Variants in SH3TC2 observed in about 807,000 individuals in gnomAD.
SH3TC2 encodes the protein SH3 domain and tetratricopeptide repeats 2.
SH3TC2 carries 87 observed loss-of-function variants against 124.5 expected under a neutral mutation model. That is an observed-to-expected ratio of 0.70 (90% CI 0.59 to 0.84). The LOEUF is 0.84. Among genes scored for constraint, SH3TC2 ranks in the 40% least tolerant of loss-of-function variants. The pLI is 0.00. For missense variants in SH3TC2, 1,536 were observed against 1,566.4 expected (o/e 0.98, Z 0.33); for synonymous variants, 634 against 628.5 (o/e 1.01, Z -0.13).
rs1428288955 is a variant in SH3TC2 at position 149,028,702 on chromosome 5, G to C, written c.1152C>G (p.Ile384Met). The C allele has an allele frequency of 2.2e-5, 35 of 1,614,198 alleles. No homozygotes were observed. The highest frequency in any genetic ancestry group is 2.9e-5 in the Non-Finnish European group (34 of 1,180,038). Residue 384 changes from isoleucine (I) to methionine (M), a missense_variant, in exon 10 of 17, where the codon ATC becomes ATG. This residue lies in a region of SH3TC2 where 1,102 missense variants were observed against 1,098.6 expected (regional missense o/e 1.00). Transcript: ENST00000515425. ...SVYRLSGFES[I>M]QNPPNDLSAS... Reference sequence around the variant, plus strand: ...CACTCAGATCATTTGGAGGATTCTGGATGGATTCAAACCCACCTAAGTAGA... The same window carrying C: ...CACTCAGATCATTTGGAGGATTCTGCATGGATTCAAACCCACCTAAGTAGA...
In SH3TC2 at chr5:148,990,022, C is replaced by A. The variant is rs1580877467; in HGVS notation, c.*14689G>T. The stretch of plus-strand genomic sequence containing the variant: ...TTCTTTTCTAGGAGTCATTTCCAAG[C>A]AACCTCTCCTCTCACTCAAAATATA... On this transcript the variant is annotated 3_prime_UTR_variant, in exon 17 of 17. Transcript: ENST00000515425. Among the ~76,000 whole-genome samples the A allele has an allele frequency of 6.6e-6, 1 of 152,054 alleles. No individual in the cohort carries two copies. The highest frequency in any genetic ancestry group is 1.9e-4 in the East Asian group (1 of 5,176).
chr5:149,050,066 A>C (rs966481052), intron 2 of SH3TC2, among the ~76,000 whole-genome samples: 4 of 152,154 alleles, frequency 2.6e-5, no homozygotes, highest in African/African-American at 9.7e-5. Flanking sequence ...CTGACTGACA[A>C]ACAGGGCATT....
At chr5:149,012,539 A>G in intron 13 of SH3TC2, 45 bp downstream of exon 13, 3 of 1,613,108 alleles carry the variant, frequency 1.9e-6, no homozygotes, top group Non-Finnish European at 2.5e-6. Flanking sequence ...GCCTCCCCAA[A>G]TGATCCAAGT....
At chr5:149,012,768 G>T (rs761916589) in intron 12 of SH3TC2, 34 bp from the exon 13 acceptor site, 1 of 1,613,220 alleles carries the variant, frequency 6.2e-7, no homozygotes, top group Admixed American at 1.7e-5. Flanking sequence ...AGGTGTGAAG[G>T]CTCAAAGGGG....
At chr5:149,004,961 G>T in intron 16 of SH3TC2, 59 bp from the exon 17 acceptor site, 2 of 1,585,652 alleles carry the variant, frequency 1.3e-6, no homozygotes, top group South Asian at 1.1e-5. Flanking sequence ...TCCAGGACAG[G>T]CTAGGAGGCT....
chr5:148,995,610 T>C lies in SH3TC2; in HGVS notation c.*9101A>G, dbSNP rs1753497283. 6.6e-6 allele frequency among the ~76,000 whole-genome samples: 1 copy of C among 152,188 alleles called. No homozygotes were observed. Among genetic ancestry groups the C allele is most frequent in the Non-Finnish European group, 1.5e-5 (1 of 68,044 alleles). ...TTCTCAATCACTCATGAGCAATAAGTAGTTATATTATAGTTTTAAAACTTT... is the reference window on the plus strand; with the variant it reads ...TTCTCAATCACTCATGAGCAATAAGCAGTTATATTATAGTTTTAAAACTTT... On this transcript the variant is annotated 3_prime_UTR_variant, in exon 17 of 17. Transcript: ENST00000515425.
In SH3TC2 at chr5:148,989,559, T is replaced by C. The variant is rs530946516; in HGVS notation, c.*15152A>G. On this transcript the variant is annotated 3_prime_UTR_variant, in exon 17 of 17. Transcript: ENST00000515425. ...TGGAAAATCACTCTGAAGGAAGGAC[T>C]TACATGTGAGTTTTGGGGATTGCAA... Among the ~76,000 whole-genome samples the C allele has an allele frequency of 3.9e-5, 6 of 152,368 alleles. No homozygotes were observed. The highest frequency in any genetic ancestry group is 1.2e-4 in the African/African-American group (5 of 41,594).
Position 148,992,600 on chromosome 5 carries a change from GTTTTTT to G in SH3TC2, c.*12105_*12110del, listed in dbSNP as rs35182601. Among the ~76,000 whole-genome samples the G allele has an allele frequency of 3.9e-5, 4 of 102,514 alleles. No individual in the cohort carries two copies. Among genetic ancestry groups the G allele is most frequent in the Non-Finnish European group, 7.4e-5 (4 of 53,698 alleles). 67.3% of individuals were successfully genotyped at this position (102,514 alleles called of 152,430 possible). ...ATAATTCCAAGAAGAGATTTCATTG[GTTTTTT>G]TTTTTTTTTTTTTTTTCAGATTTTC... is the stretch of plus-strand genomic sequence containing the variant. On this transcript the variant is annotated 3_prime_UTR_variant, in exon 17 of 17. Coordinates refer to ENST00000515425, the MANE Select transcript of SH3TC2 (RefSeq NM_024577.4).
rs35182601 is a variant in SH3TC2 at position 148,992,600 on chromosome 5, G to GTTTTTTTTTT, written c.*12101_*12110dup. ...ATAATTCCAAGAAGAGATTTCATTGGTTTTTTTTTTTTTTTTTTTTTTCAG... is the reference window on the plus strand; with the variant it reads ...ATAATTCCAAGAAGAGATTTCATTGGTTTTTTTTTTTTTTTTTTTTTTTTTTTTTTTTCAG... On this transcript the variant is annotated 3_prime_UTR_variant, in exon 17 of 17. Coordinates refer to ENST00000515425, the MANE Select transcript of SH3TC2 (RefSeq NM_024577.4). Among the ~76,000 whole-genome samples, 9 of 102,514 alleles carry GTTTTTTTTTT rather than the reference G, an allele frequency of 8.8e-5. No homozygotes were observed. The highest frequency in any genetic ancestry group is 7.0e-4 in the East Asian group (2 of 2,860). The allele number at this position is 102,514 out of a possible 152,430, so 67.3% of individuals were successfully genotyped here. A position where few individuals can be genotyped will look rare whatever the true frequency, so the allele number is the denominator to read the frequency against.
rs148241521 is a variant in SH3TC2 at position 149,018,244 on chromosome 5, A to T, written c.3054-5510T>A. ...ATTATGGCCATAATTTTCACTATGG[A>T]TGTTCACTGTACAGGTCTGGATACC... On this transcript the variant is annotated intron_variant, in intron 12 of 16. Transcript: ENST00000515425. Among the ~76,000 whole-genome samples, 450 of 152,144 alleles carry T rather than the reference A, an allele frequency of 3.0e-3. 2 individuals are homozygous for T. Among genetic ancestry groups the T allele is most frequent in the African/African-American group, 0.01 (431 of 41,510 alleles).
chr5:149,054,650 G>A (rs1754612112), intron 1 of SH3TC2, among the ~76,000 whole-genome samples: 1 of 152,156 alleles, frequency 6.6e-6, no homozygotes, highest in Non-Finnish European at 1.5e-5. Flanking sequence ...AGATGCTTGA[G>A]TTTGTTTTGA....
At chr5:149,013,191 G>A (rs1336849858) in intron 12 of SH3TC2, among the ~76,000 whole-genome samples, 1 of 152,078 alleles carries the variant, frequency 6.6e-6, no homozygotes, top group African/African-American at 2.4e-5. Flanking sequence ...ATCTTGAATT[G>A]TAGCTCCCAT....
At chr5:149,038,213 C>G (rs1754314494) in intron 8 of SH3TC2, 82 bp downstream of exon 8, 1 of 1,424,664 alleles carries the variant, frequency 7.0e-7, no homozygotes, top group African/African-American at 1.4e-5. Context: ...CCTCGAAGCT[C>G]AACTGCAAAT....
chr5:148,999,968 T>C lies in SH3TC2; in HGVS notation c.*4743A>G, dbSNP rs1310393780. Among the ~76,000 whole-genome samples, 1 of 152,138 alleles carries C rather than the reference T, an allele frequency of 6.6e-6. No homozygotes were observed. The highest frequency in any genetic ancestry group is 2.4e-5 in the African/African-American group (1 of 41,420). On this transcript the variant is annotated 3_prime_UTR_variant, in exon 17 of 17. Coordinates refer to ENST00000515425, the MANE Select transcript of SH3TC2 (RefSeq NM_024577.4). ...ACCCTCTGGACCTTTGCTTGACACA[T>C]GCACTGTCTGTCAATACCAACCTGC...
rs759220976 is a variant in SH3TC2 at position 149,047,981 on chromosome 5, G to A, written c.160C>T (p.Leu54Phe). Residue 54 changes from leucine to phenylalanine, a missense_variant, in exon 3 of 17, where the codon CTC becomes TTC. By Grantham distance (22) the Leu-to-Phe change is conservative. Coordinates refer to ENST00000515425, the MANE Select transcript of SH3TC2 (RefSeq NM_024577.4). ...GAGCGGCTCTTTACACAGAAGGAGA[G>A]TGTCAGGTCTTAAAGAGAACAGAGA... is the stretch of plus-strand genomic sequence containing the variant. Reference protein sequence around the residue: ...LPQNINPDLTLSFCVKSRSRR... With the variant: ...LPQNINPDLTFSFCVKSRSRR... The A allele has an allele frequency of 4.3e-6, 7 of 1,614,074 alleles. No homozygotes were observed. The highest frequency in any genetic ancestry group is 5.9e-6 in the Non-Finnish European group (7 of 1,179,988).
intron 9 of SH3TC2, among the ~76,000 whole-genome samples, chr5:149,028,930 T>A (rs761910596): frequency 6.7e-6 from 1 of 150,272 alleles, no homozygotes; most frequent in Admixed American, 6.7e-5. Context: ...CACTTTACAG[T>A]TGGGAACCAA....
At chr5:149,042,592 T>G in intron 5 of SH3TC2, 102 bp downstream of exon 5, 1 of 1,435,614 alleles carries the variant, frequency 7.0e-7, no homozygotes, top group Middle Eastern at 1.7e-4. Flanking sequence ...GAATATTCCA[T>G]GTTTGAATGA....
At chr5:149,026,262 A>G (rs1754060911) in intron 12 of SH3TC2, 2 of 391,612 alleles carry the variant, frequency 5.1e-6, no homozygotes, top group East Asian at 5.7e-5. Flanking sequence ...CTATCTATGT[A>G]TCAGGCACAG....
rs1055953789 is a variant in SH3TC2, at chr5:149,008,764, C to G, written c.3478+87G>C. ...GGATTTGAACCCACACAGTCTGACT[C>G]CAGGGCCTGCGGTGTTATTGCTTTG... On this transcript the variant is annotated intron_variant, in intron 15 of 16. Transcript: ENST00000515425. The G allele has an allele frequency of 5.7e-6, 9 of 1,583,056 alleles. No individual in the cohort carries two copies. The African/African-American group carries it at 1.2e-4, about 21-fold the overall frequency.
Sources: allele counts gnomAD v4.1 joint callset (sites outside exome capture counted in the v4.1 genomes callset), GRCh38; gene constraint gnomAD v4.1.1; regional missense constraint gnomAD v4.1.1; transcripts MANE v1.5; gene names NCBI Gene and HGNC (gene_info 2026-07-23, HGNC 2026-07-21).